Variants in ANKRD12 observed in about 807,000 individuals in gnomAD.
ANKRD12 encodes the protein ankyrin repeat domain 12.
In ANKRD12, 85 loss-of-function variants were observed where a neutral mutation model predicts 183.4. The ratio of observed to expected loss-of-function variants is 0.46; its 90% CI spans 0.39 to 0.56. ANKRD12 has a LOEUF of 0.56. ANKRD12 is among the 20% of genes least tolerant of loss of function. The pLI is 0.00. For synonymous variants in ANKRD12, 914 were observed against 800.2 expected, an observed-to-expected ratio of 1.14 and a Z score of -2.40; for missense variants, 2,405 against 2,357.1, an observed-to-expected ratio of 1.02 and a Z score of -0.42.
At chr18:9,193,755 T>A (rs1300592153) in intron 2 of ANKRD12, among the ~76,000 whole-genome samples, 1 of 152,232 alleles carries the variant, frequency 6.6e-6, no homozygotes, top group Non-Finnish European at 1.5e-5. Flanking sequence ...TGAGAGTTTC[T>A]ACAATCATGA....
intron 12 of ANKRD12, 72 bp from the exon 13 acceptor site, chr18:9,280,869 T>C (rs2040081756): frequency 3.5e-6 from 5 of 1,439,692 alleles, no homozygotes; most frequent in East Asian, 2.3e-5. Flanking sequence ...CTAAAGAAAC[T>C]GGATGAGATT....
intron 1 of ANKRD12, among the ~76,000 whole-genome samples, chr18:9,157,565 G>A (rs1386257563): frequency 1.8e-5 from 2 of 109,354 alleles, no homozygotes; most frequent in Non-Finnish European, 1.8e-5. Context: ...GTGTGTGTGT[G>A]TGTGTGTGTG....
intron 8 of ANKRD12, among the ~76,000 whole-genome samples, chr18:9,247,144 TTTTG>T (rs142132342): frequency 0.12 from 18,897 of 151,940 alleles, 1,454 homozygotes; most frequent in African/African-American, 0.21. Context: ...GAAATAATGA[TTTTG>T]TTTGTTTGTT....
chr18:9,158,907 T>A (rs2030995298), intron 1 of ANKRD12, among the ~76,000 whole-genome samples: 1 of 152,238 alleles, frequency 6.6e-6, no homozygotes, highest in Non-Finnish European at 1.5e-5. Context: ...TTGTAGATGT[T>A]GATACCTTGG....
chr18:9,181,385 A>G (rs2033689102), intron 1 of ANKRD12, among the ~76,000 whole-genome samples: 1 of 152,244 alleles, frequency 6.6e-6, no homozygotes, highest in Non-Finnish European at 1.5e-5. Context: ...AATAATTTAC[A>G]TAGATACTAG....
intron 1 of ANKRD12, among the ~76,000 whole-genome samples, chr18:9,180,823 T>C (rs1423634955): frequency 6.6e-6 from 1 of 152,226 alleles, no homozygotes; most frequent in African/African-American, 2.4e-5. Context: ...TGTAGAATTT[T>C]CTCAAAAAAT....
chr18:9,282,714 C>G lies in ANKRD12; in HGVS notation c.*1588C>G, dbSNP rs565306217. 15 of 152,678 alleles carry G rather than the reference C, an allele frequency of 9.8e-5. No homozygotes were observed. Among genetic ancestry groups the G allele is most frequent in the African/African-American group, 2.9e-4 (12 of 41,554 alleles). The allele number at this position is 152,678 out of a possible 1,614,324, so 9.5% of individuals were successfully genotyped here. The stretch of plus-strand genomic sequence containing the variant: ...GCAAATATGTGAGGAATGAAGTGAT[C>G]TAGTGCAAGTTGGTAATTCCAGCTA... On this transcript the variant is annotated 3_prime_UTR_variant, in exon 13 of 13. Coordinates refer to ENST00000262126, the MANE Select transcript of ANKRD12 (RefSeq NM_015208.5).
intron 1 of ANKRD12, among the ~76,000 whole-genome samples, chr18:9,144,764 T>C (rs1232002602): frequency 6.6e-6 from 1 of 152,160 alleles, no homozygotes; most frequent in Non-Finnish European, 1.5e-5. Context: ...TATTGCTTCC[T>C]TTCAAAACTG....
chr18:9,186,136 G>GTTTTTTT (rs1280812557), intron 2 of ANKRD12, among the ~76,000 whole-genome samples: 2 of 141,894 alleles, frequency 1.4e-5, no homozygotes, highest in Non-Finnish European at 1.5e-5. Context: ...CTAAAAGTGT[G>GTTTTTTT]ATTTTTTTTT....
intron 1 of ANKRD12, 192 bp downstream of exon 1, chr18:9,137,157 C>G (rs1214756554): frequency 2.6e-5 from 4 of 151,452 alleles, no homozygotes; most frequent in East Asian, 2.0e-4. Flanking sequence ...CAGCCTGGCC[C>G]GAGCCGTAGC....
intron 8 of ANKRD12, among the ~76,000 whole-genome samples, chr18:9,253,031 T>C (rs1487313549): frequency 6.6e-6 from 1 of 152,154 alleles, no homozygotes; most frequent in East Asian, 1.9e-4. Context: ...TGTATATAAA[T>C]GTATATATAA....
intron 1 of ANKRD12, among the ~76,000 whole-genome samples, chr18:9,167,697 A>C (rs1345946978): frequency 6.6e-6 from 1 of 152,170 alleles, no homozygotes; most frequent in Admixed American, 6.5e-5. Flanking sequence ...TTCCTAATTG[A>C]ATACCCTTTA....
chr18:9,149,793 A>ATTTTTT (rs11403682), intron 1 of ANKRD12, among the ~76,000 whole-genome samples: 19 of 145,108 alleles, frequency 1.3e-4, no homozygotes, highest in African/African-American at 3.3e-4. Flanking sequence ...TATTTATTAA[A>ATTTTTT]TTTTATTTTT....
intron 8 of ANKRD12, among the ~76,000 whole-genome samples, chr18:9,242,647 A>C (rs1469593745): frequency 6.6e-6 from 1 of 152,168 alleles, no homozygotes; most frequent in East Asian, 1.9e-4. Flanking sequence ...TCTTATTTTC[A>C]GAGGAAAAAT....
intron 1 of ANKRD12, among the ~76,000 whole-genome samples, chr18:9,175,628 A>C (rs2033203743): frequency 7.4e-6 from 1 of 135,678 alleles, no homozygotes; most frequent in Non-Finnish European, 1.5e-5. Flanking sequence ...TGCTGGTTCA[A>C]GCAGTTCTCA....
At chr18:9,177,551 G>A (rs1038940282) in intron 1 of ANKRD12, among the ~76,000 whole-genome samples, 1 of 152,128 alleles carries the variant, frequency 6.6e-6, no homozygotes, top group African/African-American at 2.4e-5. Context: ...TCATCACTGA[G>A]TATTTGTCAA....
chr18:9,165,726 A>T (rs1171208514), intron 1 of ANKRD12, among the ~76,000 whole-genome samples: 8 of 150,896 alleles, frequency 5.3e-5, no homozygotes, highest in African/African-American at 1.7e-4. Flanking sequence ...TTTTTATTTT[A>T]TTATTATTCT....
chr18:9,141,477 A>C (rs1172201756), intron 1 of ANKRD12, among the ~76,000 whole-genome samples: 1 of 152,250 alleles, frequency 6.6e-6, no homozygotes, highest in Admixed American at 6.5e-5. Flanking sequence ...AACAGTATCC[A>C]AGACCAGGTT....
intron 1 of ANKRD12, among the ~76,000 whole-genome samples, chr18:9,174,896 T>G (rs2033114607): frequency 6.6e-6 from 1 of 152,084 alleles, no homozygotes; most frequent in Admixed American, 6.6e-5. Flanking sequence ...AGACTTAAGT[T>G]GGAAGATAGT....
Sources: allele counts gnomAD v4.1 joint callset (sites outside exome capture counted in the v4.1 genomes callset), GRCh38; gene constraint gnomAD v4.1.1; transcripts MANE v1.5; gene names NCBI Gene and HGNC (gene_info 2026-07-23, HGNC 2026-07-21).